The following CSTPP1 variants were observed in gnomAD, a reference collection of about 807,000 sequenced individuals.
The protein encoded by CSTPP1 is UPF0705 protein C11orf49.
At chr11:46,976,206 T>C in the CSTPP1 span, among the ~76,000 whole-genome samples, 2 of 152,220 alleles carry the variant, frequency 1.3e-5, no homozygotes, top group Admixed American at 1.3e-4. Context: ...CATATTATAT[T>C]CGTTTTTCTG....
At chr11:47,099,336 T>C in the CSTPP1 span, among the ~76,000 whole-genome samples, 5 of 152,174 alleles carry the variant, frequency 3.3e-5, no homozygotes, top group Non-Finnish European at 7.4e-5. Flanking sequence ...TTCTGAATTT[T>C]CCCATTTAGT....
the CSTPP1 span, among the ~76,000 whole-genome samples, chr11:46,959,564 A>C: frequency 6.6e-6 from 1 of 151,812 alleles, no homozygotes; most frequent in South Asian, 2.1e-4. Context: ...TTTTAACCCA[A>C]TTTTCCATTT....
At chr11:46,974,811 T>C in the CSTPP1 span, among the ~76,000 whole-genome samples, 11 of 149,506 alleles carry the variant, frequency 7.4e-5, no homozygotes, top group African/African-American at 2.7e-4. Flanking sequence ...GCTGAGATCA[T>C]GCCACTGCAT....
the CSTPP1 span, among the ~76,000 whole-genome samples, chr11:46,971,747 C>G: frequency 6.6e-6 from 1 of 152,034 alleles, no homozygotes; most frequent in Non-Finnish European, 1.5e-5. Context: ...GAGTTTGAGA[C>G]CACCCTGGGC....
the CSTPP1 span, among the ~76,000 whole-genome samples, chr11:47,050,310 A>C: frequency 6.6e-6 from 1 of 152,208 alleles, no homozygotes; most frequent in Non-Finnish European, 1.5e-5. Context: ...CAATTTCCAC[A>C]AATATTTATG....
the CSTPP1 span, chr11:47,004,268 T>G: frequency 6.6e-6 from 1 of 151,604 alleles, no homozygotes; most frequent in African/African-American, 2.4e-5. Context: ...AGCCTTAACC[T>G]GGGCTCAAGC....
At chr11:47,002,440 TC>T in the CSTPP1 span, among the ~76,000 whole-genome samples, 1 of 152,206 alleles carries the variant, frequency 6.6e-6, no homozygotes, top group Non-Finnish European at 1.5e-5. Context: ...TTTTGTAGAA[TC>T]CATCTCACTT....
chr11:46,986,554 G>A, the CSTPP1 span, among the ~76,000 whole-genome samples: 1 of 151,818 alleles, frequency 6.6e-6, no homozygotes, highest in Non-Finnish European at 1.5e-5. Flanking sequence ...CCACCTCCCA[G>A]GTTCAAGCAA....
the CSTPP1 span, among the ~76,000 whole-genome samples, chr11:46,981,623 T>G: frequency 6.6e-6 from 1 of 152,092 alleles, no homozygotes; most frequent in Non-Finnish European, 1.5e-5. Flanking sequence ...ATTTTTCTTG[T>G]TTTGCTTTCA....
At chr11:47,018,221 A>G in the CSTPP1 span, among the ~76,000 whole-genome samples, 4 of 144,582 alleles carry the variant, frequency 2.8e-5, no homozygotes, top group African/African-American at 1.0e-4. Flanking sequence ...GTGAACATAC[A>G]TTTTCTTTTC....
the CSTPP1 span, among the ~76,000 whole-genome samples, chr11:46,983,032 A>G: frequency 6.6e-6 from 1 of 152,336 alleles, no homozygotes; most frequent in Non-Finnish European, 1.5e-5. Context: ...TCAAGAACCC[A>G]TATTCTTAAC....
the CSTPP1 span, chr11:47,161,190 TGTAA>T: frequency 1.7e-4 from 270 of 1,614,050 alleles, 2 homozygotes; most frequent in Middle Eastern, 6.1e-3. Context: ...CTGGAACGGC[TGTAA>T]GTGTCAAGTG....
At chr11:46,977,732 T>G in the CSTPP1 span, among the ~76,000 whole-genome samples, 2 of 152,256 alleles carry the variant, frequency 1.3e-5, no homozygotes, top group Non-Finnish European at 2.9e-5. Flanking sequence ...ATTTGGACTT[T>G]CTTTTATTCA....
the CSTPP1 span, among the ~76,000 whole-genome samples, chr11:46,967,726 T>TAC: frequency 6.6e-6 from 1 of 151,630 alleles, no homozygotes; most frequent in Non-Finnish European, 1.5e-5. Flanking sequence ...TTGGGTATAT[T>TAC]TAATGAGGTA....
chr11:47,161,287 A>G, the CSTPP1 span: 4 of 1,605,138 alleles, frequency 2.5e-6, no homozygotes, highest in African/African-American at 5.4e-5. Flanking sequence ...TGTCTGTAAC[A>G]TCCCACATCT....
At chr11:47,027,627 A>T in the CSTPP1 span, among the ~76,000 whole-genome samples, 1 of 152,208 alleles carries the variant, frequency 6.6e-6, no homozygotes, top group Non-Finnish European at 1.5e-5. Flanking sequence ...TTGTTATGAA[A>T]CACCAATGTT....
chr11:47,084,598 C>G, the CSTPP1 span, among the ~76,000 whole-genome samples: 4 of 152,196 alleles, frequency 2.6e-5, no homozygotes, highest in Non-Finnish European at 5.9e-5. Context: ...TTTTTCCCCG[C>G]TCCCCTCATG....
the CSTPP1 span, among the ~76,000 whole-genome samples, chr11:47,118,636 G>T: frequency 6.6e-6 from 1 of 152,164 alleles, no homozygotes; most frequent in African/African-American, 2.4e-5. Flanking sequence ...ATGGGGTTTT[G>T]GTGTAGATGA....
At chr11:47,052,649 T>A in the CSTPP1 span, 1 of 1,288,078 alleles carries the variant, frequency 7.8e-7, no homozygotes, top group Non-Finnish European at 1.0e-6. Context: ...CTTTTGTTCC[T>A]ATAAATATTG....
Sources: gnomAD v4.1 joint callset for allele counts (sites outside exome capture counted in the v4.1 genomes callset) on GRCh38, gnomAD v4.1.1 for gene constraint, MANE v1.5 for transcripts, NCBI Gene and HGNC (gene_info 2026-07-23, HGNC 2026-07-21) for gene names.